The following ZDHHC13 variants were observed in gnomAD, a reference collection of about 807,000 sequenced individuals.
ZDHHC13 encodes the protein zDHHC palmitoyltransferase 13, also known as palmitoyltransferase ZDHHC13.
A neutral mutation model predicts 86.0 loss-of-function variants in ZDHHC13; 85 were observed. That is an observed-to-expected ratio of 0.99 (90% CI 0.83 to 1.18). ZDHHC13 has a LOEUF of 1.18. Ranked by LOEUF, ZDHHC13 falls within the 50% of genes most tolerant of loss-of-function variation. The pLI, the probability that ZDHHC13 is intolerant of heterozygous loss-of-function variation, is 0.00. For synonymous variants in ZDHHC13, 263 were observed against 246.4 expected (o/e 1.07, Z -0.63); for missense variants, 711 against 730.2 (o/e 0.97, Z 0.30).
chr11:19,138,164 A>G (rs1454120795), intron 1 of ZDHHC13, among the ~76,000 whole-genome samples: 1 of 152,018 alleles, frequency 6.6e-6, no homozygotes, highest in Non-Finnish European at 1.5e-5. Flanking sequence ...ATAGACTGCT[A>G]GCAAGACTAA....
chr11:19,138,387 C>T (rs1849209181), intron 1 of ZDHHC13, among the ~76,000 whole-genome samples: 1 of 151,242 alleles, frequency 6.6e-6, no homozygotes, highest in East Asian at 1.9e-4. Flanking sequence ...TCTGAATAGA[C>T]CAATAACAGG....
At chr11:19,123,339 G>T (rs1450433317) in intron 1 of ZDHHC13, among the ~76,000 whole-genome samples, 2 of 152,050 alleles carry the variant, frequency 1.3e-5, no homozygotes, top group Admixed American at 1.3e-4. Context: ...ATAAACAAAG[G>T]GTCAGGGTGG....
At chr11:19,172,134 G>A (rs964474501) in intron 15 of ZDHHC13, among the ~76,000 whole-genome samples, 1 of 152,032 alleles carries the variant, frequency 6.6e-6, no homozygotes, top group Non-Finnish European at 1.5e-5. Flanking sequence ...GTGCAGTGGC[G>A]GGATCTCGGC....
intron 1 of ZDHHC13, among the ~76,000 whole-genome samples, chr11:19,133,482 G>T (rs1441845706): frequency 6.6e-6 from 1 of 151,522 alleles, no homozygotes; most frequent in Non-Finnish European, 1.5e-5. Flanking sequence ...CCCCAAACTG[G>T]GAACAGTCCA....
At chr11:19,165,520 C>T (rs893373085) in intron 13 of ZDHHC13, among the ~76,000 whole-genome samples, 2 of 152,102 alleles carry the variant, frequency 1.3e-5, no homozygotes, top group African/African-American at 4.8e-5. Context: ...AAGGTCGGAC[C>T]ATGATGTAGT....
chr11:19,149,393 T>G (rs972928043), intron 5 of ZDHHC13, 62 bp downstream of exon 5: 39 of 1,395,438 alleles, frequency 2.8e-5, no homozygotes, highest in Admixed American at 1.3e-4. Context: ...GGGGAAATTA[T>G]TAGTAGTAGT....
chr11:19,173,395 G>A (rs529928770), intron 16 of ZDHHC13, among the ~76,000 whole-genome samples: 12 of 152,330 alleles, frequency 7.9e-5, no homozygotes, highest in African/African-American at 2.9e-4. Context: ...TTCGTCTTAC[G>A]ATATGAAAGA....
At chr11:19,142,253 A>G (rs919094633) in intron 1 of ZDHHC13, among the ~76,000 whole-genome samples, 3 of 152,258 alleles carry the variant, frequency 2.0e-5, no homozygotes, top group African/African-American at 7.2e-5. Context: ...TTCACTCCTG[A>G]AGACTGCCCA....
chr11:19,174,542 C>T (rs1035628059), intron 16 of ZDHHC13, among the ~76,000 whole-genome samples: 3 of 152,246 alleles, frequency 2.0e-5, no homozygotes, highest in Non-Finnish European at 4.4e-5. Context: ...ACGCAGTCAT[C>T]CTCATGGACA....
intron 1 of ZDHHC13, among the ~76,000 whole-genome samples, chr11:19,119,661 A>T (rs905639424): frequency 2.0e-5 from 3 of 152,142 alleles, no homozygotes; most frequent in African/African-American, 7.2e-5. Flanking sequence ...ATTTCTCCTC[A>T]GCATTTAACA....
Position 19,170,397 on chromosome 11 carries a change from TGGTGA to T in ZDHHC13, c.1475-13_1475-9del, listed in dbSNP as rs1850187819. 2.8e-6 allele frequency: 4 copies of T among 1,452,642 alleles called. No homozygotes were observed. Among genetic ancestry groups the T allele is most frequent in the Non-Finnish European group, 3.6e-6 (4 of 1,106,718 alleles). The allele number at this position is 1,452,642 out of a possible 1,614,324, so 90.0% of individuals were successfully genotyped here. On this transcript the variant is annotated splice_polypyrimidine_tract_variant and intron_variant, in intron 14 of 16. Transcript: ENST00000446113. ...TGCCTTTTTTTTTTTTTTTTTTTTTTGGTGAATTCACAGATTTGTCCAGTCATTGT... is the reference window on the plus strand; with the variant it reads ...TGCCTTTTTTTTTTTTTTTTTTTTTTATTCACAGATTTGTCCAGTCATTGT...
intron 1 of ZDHHC13, among the ~76,000 whole-genome samples, chr11:19,126,322 T>C (rs114379653): frequency 4.0e-3 from 577 of 142,560 alleles, no homozygotes; most frequent in African/African-American, 0.014. Context: ...GTTCCCTTCT[T>C]CTTTTTTTCT....
chr11:19,117,155 AG>A (rs967765936), upstream of ZDHHC13: 24 of 1,373,382 alleles, frequency 1.7e-5, no homozygotes, highest in Non-Finnish European at 2.3e-5. The surrounding 1 kb of genome is among the most constrained non-coding windows in gnomAD (Gnocchi z 4.2). Flanking sequence ...GGGCGCCAGC[AG>A]GAAGTGGGAG....
rs1200015459 is a variant in ZDHHC13 at position 19,147,673 on chromosome 11, G to A, written c.374G>A (p.Arg125Gln). The A allele has an allele frequency of 7.5e-6, 12 of 1,594,166 alleles. No individual in the cohort carries two copies. Among genetic ancestry groups the A allele is most frequent in the Admixed American group, 5.2e-5 (3 of 57,672 alleles). The change falls in exon 4 of 17, where the codon CGA becomes CAA. Residue 125 changes from arginine (R) to glutamine (Q), a missense_variant and splice_region_variant. By Grantham distance (43) the Arg-to-Gln change is conservative. Transcript: ENST00000446113. The stretch of plus-strand genomic sequence containing the variant: ...TCAACTCCTCTTCACTGGGCCATCC[G>A]GTAAGGTTTCTTTGAACACTGAAAT... ...LNSTPLHWAIRQGHLPMVILL... is the reference protein window; with the variant it reads ...LNSTPLHWAIQQGHLPMVILL...
chr11:19,140,021 T>C (rs1849266126), intron 1 of ZDHHC13, among the ~76,000 whole-genome samples: 1 of 150,328 alleles, frequency 6.7e-6, no homozygotes, highest in Non-Finnish European at 1.5e-5. Flanking sequence ...ACTTCATGTC[T>C]AAAACACCAA....
chr11:19,130,527 T>G (rs1848972982), intron 1 of ZDHHC13, among the ~76,000 whole-genome samples: 1 of 152,232 alleles, frequency 6.6e-6, no homozygotes, highest in East Asian at 1.9e-4. Context: ...AATGATTTTC[T>G]GTATTGTTTC....
intron 1 of ZDHHC13, among the ~76,000 whole-genome samples, chr11:19,133,942 T>TATATATATATATATATATATATACACAC: frequency 1.9e-3 from 181 of 96,032 alleles, no homozygotes; most frequent in Non-Finnish European, 3.1e-3. Context: ...TATATATATA[T>TATATATATATATATATATATATACACAC]ACACGTATGT....
At chr11:19,139,727 A>G (rs1427041362) in intron 1 of ZDHHC13, among the ~76,000 whole-genome samples, 1 of 147,248 alleles carries the variant, frequency 6.8e-6, no homozygotes, top group Non-Finnish European at 1.5e-5. Context: ...ATATAGATCA[A>G]TGGAACAGAA....
upstream of ZDHHC13, chr11:19,117,113 G>T: frequency 1.1e-6 from 1 of 925,640 alleles, no homozygotes; most frequent in Non-Finnish European, 1.6e-6. This position sits in a 1 kb window ranked among gnomAD's most constrained non-coding sequence, Gnocchi z 4.2. Context: ...GACGGCTCAG[G>T]GCACGAGCGG....
Sources: gnomAD v4.1 joint callset for allele counts (sites outside exome capture counted in the v4.1 genomes callset) on GRCh38, gnomAD v4.1.1 for gene constraint, Gnocchi (gnomAD v3.1) non-coding constraint, MANE v1.5 for transcripts, NCBI Gene and HGNC (gene_info 2026-07-23, HGNC 2026-07-21) for gene names.